Variants in PLCL1 observed in about 807,000 individuals in gnomAD.
The protein encoded by PLCL1 is phospholipase C like 1 (inactive), also known as inactive phospholipase C-like protein 1.
PLCL1 carries 41 observed loss-of-function variants against 84.4 expected under a neutral mutation model. The observed-to-expected ratio is 0.49, with a 90% CI of 0.38 to 0.63. The LOEUF is 0.63. Ranked by LOEUF, PLCL1 falls within the 30% of genes least tolerant of loss-of-function variation. PLCL1 has a pLI of 0.00. For missense variants in PLCL1, 1,206 were observed against 1,367.8 expected, an observed-to-expected ratio of 0.88 and a Z score of 1.87; for synonymous variants, 490 against 488.3, an observed-to-expected ratio of 1.00 and a Z score of -0.05.
At chr2:198,142,781 G>T (rs1032990771) in intron 5 of PLCL1, among the ~76,000 whole-genome samples, 1 of 151,342 alleles carries the variant, frequency 6.6e-6, no homozygotes, top group Non-Finnish European at 1.5e-5. Flanking sequence ...TTTCCTTTGA[G>T]TTAAAGCATC....
intron 1 of PLCL1, among the ~76,000 whole-genome samples, chr2:198,078,511 A>T (rs1692635023): frequency 6.6e-6 from 1 of 152,158 alleles, no homozygotes; most frequent in South Asian, 2.1e-4. Context: ...ATCTTTTAGT[A>T]TAATCTATTA....
chr2:198,022,607 GACAA>G (rs1441233093), intron 1 of PLCL1, among the ~76,000 whole-genome samples: 4 of 152,070 alleles, frequency 2.6e-5, no homozygotes, highest in African/African-American at 9.7e-5. Context: ...ACCAATAACA[GACAA>G]ACAGAGGGAC....
intron 1 of PLCL1, among the ~76,000 whole-genome samples, chr2:197,874,162 A>G (rs1687695925): frequency 6.6e-6 from 1 of 152,166 alleles, no homozygotes; most frequent in East Asian, 1.9e-4. Flanking sequence ...GCGTGTAGTC[A>G]CATTTCCATA....
At chr2:198,004,707 A>T (rs764027167) in intron 1 of PLCL1, among the ~76,000 whole-genome samples, 23 of 152,256 alleles carry the variant, frequency 1.5e-4, no homozygotes, top group Admixed American at 5.9e-4. Flanking sequence ...GAATAGACTT[A>T]AGAAAAATAT....
intron 1 of PLCL1, among the ~76,000 whole-genome samples, chr2:198,046,008 G>A (rs1691779352): frequency 1.3e-5 from 2 of 152,150 alleles, no homozygotes; most frequent in South Asian, 4.1e-4. Context: ...GTGACTGGTG[G>A]GGGGTGGTAG....
intron 1 of PLCL1, among the ~76,000 whole-genome samples, chr2:197,823,233 A>G (rs113227788): frequency 0.015 from 2,260 of 152,210 alleles, 63 homozygotes; most frequent in African/African-American, 0.052. Context: ...GTAGAAATAA[A>G]TTAGGGATTA....
At chr2:198,088,797 G>A in intron 2 of PLCL1, 61 bp from the exon 3 acceptor site, 1 of 916,048 alleles carries the variant, frequency 1.1e-6, no homozygotes, top group Non-Finnish European at 1.8e-6. Context: ...GTAAACCTGG[G>A]AGTGCTGGCG....
At chr2:198,072,318 A>G (rs944203692) in intron 1 of PLCL1, among the ~76,000 whole-genome samples, 2 of 151,566 alleles carry the variant, frequency 1.3e-5, no homozygotes, top group Admixed American at 6.6e-5. Context: ...TAATTTTTCT[A>G]TATTTATATT....
intron 5 of PLCL1, among the ~76,000 whole-genome samples, chr2:198,144,079 C>T (rs1437877182): frequency 1.3e-5 from 2 of 152,130 alleles, no homozygotes; most frequent in Non-Finnish European, 2.9e-5. Flanking sequence ...GATGCCACCT[C>T]TTAGAACCAA....
At chr2:197,898,287 G>A (rs1363040297) in intron 1 of PLCL1, among the ~76,000 whole-genome samples, 1 of 152,202 alleles carries the variant, frequency 6.6e-6, no homozygotes, top group Admixed American at 6.5e-5. Flanking sequence ...GGGCTCAAGG[G>A]TCTTGATAGA....
intron 1 of PLCL1, among the ~76,000 whole-genome samples, chr2:197,856,557 T>A (rs183563183): frequency 6.4e-4 from 97 of 152,322 alleles, no homozygotes; most frequent in African/African-American, 2.2e-3. Flanking sequence ...TGTATGCAGT[T>A]ACGAATTATA....
chr2:197,972,141 A>G (rs1689881698), intron 1 of PLCL1, among the ~76,000 whole-genome samples: 1 of 152,218 alleles, frequency 6.6e-6, no homozygotes, highest in Non-Finnish European at 1.5e-5. Flanking sequence ...GAAATAAAAA[A>G]TGCTTTTGTA....
intron 5 of PLCL1, among the ~76,000 whole-genome samples, chr2:198,134,066 A>C (rs902901934): frequency 6.6e-6 from 1 of 152,160 alleles, no homozygotes; most frequent in African/African-American, 2.4e-5. Flanking sequence ...AACACGACAC[A>C]ATCTGAAAAA....
chr2:198,140,646 T>C (rs1309820403), intron 5 of PLCL1, among the ~76,000 whole-genome samples: 1 of 152,192 alleles, frequency 6.6e-6, no homozygotes, highest in East Asian at 1.9e-4. Flanking sequence ...TGTTGAATTT[T>C]AACAGAGTAT....
chr2:198,045,764 C>G (rs1691772048), intron 1 of PLCL1, among the ~76,000 whole-genome samples: 1 of 152,094 alleles, frequency 6.6e-6, no homozygotes, highest in Non-Finnish European at 1.5e-5. Flanking sequence ...TTTATTTGGA[C>G]TCAGATGAAA....
At chr2:198,118,719 A>G (rs557342120) in intron 5 of PLCL1, among the ~76,000 whole-genome samples, 1 of 152,066 alleles carries the variant, frequency 6.6e-6, no homozygotes, top group East Asian at 2.0e-4. Flanking sequence ...TCCTATGTCA[A>G]TTGTGCACTG....
chr2:197,908,819 A>T (rs1688431975), intron 1 of PLCL1, among the ~76,000 whole-genome samples: 1 of 152,190 alleles, frequency 6.6e-6, no homozygotes. Context: ...ATATATTTTT[A>T]AAAATTACAT....
intron 1 of PLCL1, among the ~76,000 whole-genome samples, chr2:197,943,678 C>T (rs1287411793): frequency 1.4e-5 from 2 of 141,748 alleles, no homozygotes; most frequent in Non-Finnish European, 3.0e-5. Flanking sequence ...AAGTGCTTTC[C>T]AGTGTTGAGT....
intron 1 of PLCL1, among the ~76,000 whole-genome samples, chr2:198,056,329 G>T (rs1331922526): frequency 6.6e-6 from 1 of 152,094 alleles, no homozygotes; most frequent in Non-Finnish European, 1.5e-5. Flanking sequence ...CATAAGGATT[G>T]ATTAGTTTAA....
Sources: allele counts gnomAD v4.1 joint callset (sites outside exome capture counted in the v4.1 genomes callset), GRCh38; gene constraint gnomAD v4.1.1; transcripts MANE v1.5; gene names NCBI Gene and HGNC (gene_info 2026-07-23, HGNC 2026-07-21).